Variants in SLFN5 observed in about 807,000 individuals in gnomAD.
SLFN5 encodes schlafen family member 5.
Under a neutral mutation model 48.5 loss-of-function variants are expected in SLFN5, and 34 were observed. The observed-to-expected ratio is 0.70, with a 90% CI of 0.53 to 0.93. The LOEUF (loss-of-function observed/expected upper bound fraction) is 0.93, where lower values mean the gene tolerates loss of function less well. Among genes scored for constraint, SLFN5 ranks in the 40% least tolerant of loss-of-function variants. SLFN5 has a pLI of 0.00. For missense variants in SLFN5, 1,006 were observed against 1,071.3 expected, an observed-to-expected ratio of 0.94 and a Z score of 0.85; for synonymous variants, 387 against 396.2, an observed-to-expected ratio of 0.98 and a Z score of 0.28.
chr17:35,254,540 A>G (rs2092450207), intron 1 of SLFN5, among the ~76,000 whole-genome samples: 1 of 152,204 alleles, frequency 6.6e-6, no homozygotes, highest in South Asian at 2.1e-4. Context: ...GCCAACTCTT[A>G]CGACACAGGG....
chr17:35,254,955 T>A (rs1726313522), intron 1 of SLFN5, among the ~76,000 whole-genome samples: 1 of 152,144 alleles, frequency 6.6e-6, no homozygotes, highest in Non-Finnish European at 1.5e-5. Context: ...AGGCAGAGGT[T>A]GCAGTGAGCT....
intron 3 of SLFN5, among the ~76,000 whole-genome samples, chr17:35,262,010 G>A (rs1010990219): frequency 3.3e-5 from 5 of 151,658 alleles, no homozygotes; most frequent in Non-Finnish European, 7.4e-5. Flanking sequence ...TTTATATGAC[G>A]TCTAATTTTT....
chr17:35,266,136 T>C lies in SLFN5; in HGVS notation c.*248T>C. On this transcript the variant is annotated 3_prime_UTR_variant, in exon 5 of 5. Coordinates refer to ENST00000299977, the MANE Select transcript of SLFN5 (RefSeq NM_144975.4). ...ATCAGTAATTAGAGGACCGTGAGACTCAGAGATGTGTGTGTGTGTGTGTGT... is the reference window on the plus strand; with the variant it reads ...ATCAGTAATTAGAGGACCGTGAGACCCAGAGATGTGTGTGTGTGTGTGTGT... 1 of 408,814 alleles carries C rather than the reference T, an allele frequency of 2.4e-6. No individual in the cohort carries two copies. The highest frequency in any genetic ancestry group is 4.4e-6 in the Non-Finnish European group (1 of 226,478). The allele number at this position is 408,814 out of a possible 1,614,324, so 25.3% of individuals were successfully genotyped here.
chr17:35,258,094 T>G (rs901467742), intron 1 of SLFN5, among the ~76,000 whole-genome samples: 2 of 152,236 alleles, frequency 1.3e-5, no homozygotes, highest in African/African-American at 4.8e-5. Context: ...GTCATTTCTG[T>G]GGTGGTGGTG....
Position 35,264,719 on chromosome 17 carries a change from A to T in SLFN5, c.1675A>T (p.Lys559Ter), listed in dbSNP as rs1397624606. 7.5e-6 allele frequency: 12 copies of T among 1,607,088 alleles called. No individual in the cohort carries two copies. Among genetic ancestry groups the T allele is most frequent in the Non-Finnish European group, 1.0e-5 (12 of 1,177,654 alleles). Reference sequence around the variant, plus strand: ...TGAGGTTTTGAACCTACTGACAAATAAACAGTATGAGTTGCTTTCAAAGAA... The same window carrying T: ...TGAGGTTTTGAACCTACTGACAAATTAACAGTATGAGTTGCTTTCAAAGAA... ...GSEVLNLLTN[K>*]QYELLSKNLR... is the part of the protein sequence containing the mutation. Residue 559 changes from lysine (K) to a stop codon, truncating the protein, a stop_gained, in exon 4 of 5, where the codon AAA becomes TAA. Transcript: ENST00000299977. LOFTEE classifies it high-confidence loss of function.
chr17:35,261,111 C>G lies in SLFN5; in HGVS notation c.1138+15C>G. ...CTACTTTCCAGGTAATTGGCCATCT[C>G]TGGTTGCTTTGGAATATGTTGATTG... On this transcript the variant is annotated intron_variant, in intron 3 of 4. Transcript: ENST00000299977. The G allele has an allele frequency of 6.2e-7, 1 of 1,611,888 alleles. No homozygotes were observed. Among genetic ancestry groups the G allele is most frequent in the Non-Finnish European group, 8.5e-7 (1 of 1,178,492 alleles).
intron 1 of SLFN5, among the ~76,000 whole-genome samples, chr17:35,245,716 AT>A (rs2092429140): frequency 6.6e-6 from 1 of 151,880 alleles, no homozygotes; most frequent in Non-Finnish European, 1.5e-5. Flanking sequence ...GATAATCAAT[AT>A]TGGCTTCTTC....
intron 1 of SLFN5, among the ~76,000 whole-genome samples, chr17:35,252,482 G>A (rs2092444678): frequency 6.6e-6 from 1 of 152,126 alleles, no homozygotes; most frequent in African/African-American, 2.4e-5. Context: ...TGTGTCGCCT[G>A]TCAACAACAT....
chr17:35,261,001 A>G lies in SLFN5; in HGVS notation c.1043A>G (p.Gln348Arg), dbSNP rs1372766498. 1.1e-5 allele frequency: 17 copies of G among 1,613,944 alleles called. No individual in the cohort carries two copies. Among genetic ancestry groups the G allele is most frequent in the Middle Eastern group, 1.6e-4 (1 of 6,062 alleles). Residue 348 changes from glutamine to arginine, a missense_variant, in exon 3 of 5, where the codon CAG becomes CGG. Gln to Arg is a conservative substitution (Grantham distance 43). Transcript: ENST00000299977. ...TCCAGGTGTCCTGAGATGGTTCTCC[A>G]GTTGAGTTTGTCATCTGCCACGCCC... is the stretch of plus-strand genomic sequence containing the variant. ...DLSRCPEMVL[Q>R]LSLSSATPRS...
At chr17:35,245,595 T>G (rs2092428787) in intron 1 of SLFN5, among the ~76,000 whole-genome samples, 1 of 152,218 alleles carries the variant, frequency 6.6e-6, no homozygotes, top group Non-Finnish European at 1.5e-5. Flanking sequence ...ATACACTCTT[T>G]TATGTCTGGC....
chr17:35,265,796 G>C lies in SLFN5; in HGVS notation c.2584G>C (p.Gly862Arg). The C allele has an allele frequency of 6.2e-7, 1 of 1,614,152 alleles. No homozygotes were observed. Among genetic ancestry groups the C allele is most frequent in the South Asian group, 1.1e-5 (1 of 91,074 alleles). Residue 862 changes from glycine to arginine, a missense_variant, in exon 5 of 5, where the codon GGA (glycine) becomes CGA (arginine). Gly to Arg is a moderately radical substitution (Grantham distance 125, BLOSUM62 -2). Coordinates refer to ENST00000299977, the MANE Select transcript of SLFN5 (RefSeq NM_144975.4). ...AAATATCGTGTTTGGAATCAATCCA[G>C]GAGTAGCCCCACCGGCTGGGGCCTA... ...ERNIVFGINP[G>R]VAPPAGAYNL...
intron 1 of SLFN5, among the ~76,000 whole-genome samples, chr17:35,255,930 A>G (rs573492937): frequency 6.6e-6 from 1 of 152,124 alleles, no homozygotes; most frequent in South Asian, 2.1e-4. Context: ...TGATATTACT[A>G]CCTATATATG....
chr17:35,269,126 T>G lies in SLFN5; in HGVS notation c.*3238T>G, dbSNP rs1479100158. The G allele has an allele frequency of 1.3e-5, 2 of 152,196 alleles. No individual in the cohort carries two copies. Among genetic ancestry groups the G allele is most frequent in the African/African-American group, 4.8e-5 (2 of 41,446 alleles). 9.4% of individuals were successfully genotyped at this position (152,196 alleles called of 1,614,324 possible). On this transcript the variant is annotated 3_prime_UTR_variant, in exon 5 of 5. Transcript: ENST00000299977. ...AGGCAGTGAAGCAACATGTGTACAG[T>G]TCTTAGGGAAACAAATTTTGACCTA...
At chr17:35,250,922 C>A (rs1193168226) in intron 1 of SLFN5, among the ~76,000 whole-genome samples, 2 of 152,074 alleles carry the variant, frequency 1.3e-5, no homozygotes. Flanking sequence ...AAAGATTATC[C>A]GAAGTTATTG....
intron 1 of SLFN5, among the ~76,000 whole-genome samples, chr17:35,252,162 G>T (rs913025110): frequency 6.6e-6 from 1 of 152,164 alleles, no homozygotes; most frequent in African/African-American, 2.4e-5. Context: ...GGGCATGGTG[G>T]CTCATACCTG....
At chr17:35,244,651 C>G (rs1236183660) in intron 1 of SLFN5, among the ~76,000 whole-genome samples, 1 of 152,108 alleles carries the variant, frequency 6.6e-6, no homozygotes, top group African/African-American at 2.4e-5. Flanking sequence ...AGAGGCCGGG[C>G]GCCGTGGCTT....
Position 35,250,031 on chromosome 17 carries a change from T to C in SLFN5, c.-41+6888T>C, listed in dbSNP as rs531441790. 1.4e-4 allele frequency among the ~76,000 whole-genome samples: 21 copies of C among 152,324 alleles called. No individual in the cohort carries two copies. The South Asian group carries it at 4.1e-3, about 30-fold the overall frequency. On this transcript the variant is annotated intron_variant, in intron 1 of 4. Transcript: ENST00000299977. ...CGAACCTACAGTTGAAGGCCTTATATGCAAAGGTCCTCTCCTATCCCCTAG... is the reference window on the plus strand; with the variant it reads ...CGAACCTACAGTTGAAGGCCTTATACGCAAAGGTCCTCTCCTATCCCCTAG...
At chr17:35,252,959 C>T (rs1294992258) in intron 1 of SLFN5, among the ~76,000 whole-genome samples, 1 of 152,020 alleles carries the variant, frequency 6.6e-6, no homozygotes, top group Non-Finnish European at 1.5e-5. Context: ...CCCTCCCACC[C>T]CCTCTCATTT....
At chr17:35,262,483 C>T (rs1056176723) in intron 3 of SLFN5, among the ~76,000 whole-genome samples, 2 of 151,790 alleles carry the variant, frequency 1.3e-5, no homozygotes, top group East Asian at 1.9e-4. Flanking sequence ...AAAACATATA[C>T]CCAAATACAC....
Sources: allele counts gnomAD v4.1 joint callset (sites outside exome capture counted in the v4.1 genomes callset), GRCh38; gene constraint gnomAD v4.1.1; transcripts MANE v1.5; gene names NCBI Gene and HGNC (gene_info 2026-07-23, HGNC 2026-07-21).